Variants in EYS observed in about 807,000 individuals in gnomAD.
The protein encoded by EYS is protein eyes shut homolog.
A neutral mutation model predicts 282.1 loss-of-function variants in EYS; 250 were observed. The ratio of observed to expected loss-of-function variants is 0.89; its 90% CI spans 0.80 to 0.98. EYS has a LOEUF of 0.98. Ranked by LOEUF, EYS falls within the 50% of genes least tolerant of loss-of-function variation. The probability of loss-of-function intolerance (pLI) is 0.00; values close to 1 mark genes in which losing one functional copy is unlikely to be tolerated. For synonymous variants in EYS, 1,355 were observed against 1,282.9 expected, an observed-to-expected ratio of 1.06 and a Z score of -1.20; for missense variants, 4,016 against 3,709.0, an observed-to-expected ratio of 1.08 and a Z score of -2.15.
At chr6:65,140,733 G>A (rs1262764726) in intron 12 of EYS, among the ~76,000 whole-genome samples, 2 of 151,962 alleles carry the variant, frequency 1.3e-5, no homozygotes, top group African/African-American at 2.4e-5. Flanking sequence ...CAAAAGACAC[G>A]TGAAAAAACG....
intron 15 of EYS, among the ~76,000 whole-genome samples, chr6:64,937,564 G>A (rs1768950760): frequency 6.6e-6 from 1 of 151,586 alleles, no homozygotes; most frequent in Non-Finnish European, 1.5e-5. Context: ...TCCTTAGGGA[G>A]ATGAAAATCA....
intron 36 of EYS, among the ~76,000 whole-genome samples, chr6:63,819,919 A>T (rs770654278): frequency 3.3e-5 from 5 of 152,184 alleles, no homozygotes; most frequent in Middle Eastern, 3.4e-3. Flanking sequence ...CATCCCTGGG[A>T]TTATATCAGG....
chr6:64,789,475 A>T (rs906930347), intron 22 of EYS, among the ~76,000 whole-genome samples: 8 of 152,134 alleles, frequency 5.3e-5, no homozygotes, highest in African/African-American at 1.4e-4. Context: ...ACATGCAAGA[A>T]TTTTTTTATA....
rs377633252 is a variant in EYS at position 64,898,713 on chromosome 6, C to T, written c.2846+3400G>A. Among the ~76,000 whole-genome samples, 16 of 148,470 alleles carry T rather than the reference C, an allele frequency of 1.1e-4. No homozygotes were observed. The East Asian group carries it at 1.4e-3, about 13-fold the overall frequency. On this transcript the variant is annotated intron_variant, in intron 18 of 42. Transcript: ENST00000503581. The stretch of plus-strand genomic sequence containing the variant: ...TGTGCTGTATTCAGGAGATGCATCT[C>T]GTATGCAAAGACACATATAAGCTCA...
chr6:65,525,250 A>C (rs1767514003), intron 2 of EYS, among the ~76,000 whole-genome samples: 2 of 152,174 alleles, frequency 1.3e-5, no homozygotes, highest in African/African-American at 4.8e-5. Flanking sequence ...ACTGGTATCC[A>C]TAGAAAAAGT....
chr6:65,244,684 T>C (rs968050619), intron 12 of EYS, among the ~76,000 whole-genome samples: 13 of 92,366 alleles, frequency 1.4e-4, no homozygotes, highest in Non-Finnish European at 2.2e-4. Context: ...GGGTAATTTT[T>C]TGTATTTTTT....
chr6:64,869,127 T>G (rs941508322), intron 19 of EYS, among the ~76,000 whole-genome samples: 1 of 151,538 alleles, frequency 6.6e-6, no homozygotes. Flanking sequence ...TATGAAAGGA[T>G]TCTCTTATCT....
chr6:64,400,642 A>G (rs1773512435), intron 28 of EYS, among the ~76,000 whole-genome samples: 1 of 152,120 alleles, frequency 6.6e-6, no homozygotes, highest in Non-Finnish European at 1.5e-5. Context: ...ACAGTCCTAC[A>G]ACATTATTGT....
intron 36 of EYS, among the ~76,000 whole-genome samples, chr6:63,858,298 G>T (rs1772444110): frequency 6.6e-6 from 1 of 152,140 alleles, no homozygotes; most frequent in Non-Finnish European, 1.5e-5. Flanking sequence ...GACCTCAGGT[G>T]ATCCACCCAC....
intron 28 of EYS, among the ~76,000 whole-genome samples, chr6:64,424,511 A>C (rs1180376748): frequency 6.6e-6 from 1 of 152,176 alleles, no homozygotes; most frequent in Non-Finnish European, 1.5e-5. Context: ...AGAACTTCTG[A>C]TTTTTATGGC....
intron 19 of EYS, among the ~76,000 whole-genome samples, chr6:64,851,510 G>T (rs958338043): frequency 3.9e-5 from 6 of 152,054 alleles, no homozygotes. Flanking sequence ...ATGTTATTTA[G>T]ATTAAATTGT....
At chr6:64,066,133 C>G (rs1167590835) in intron 33 of EYS, among the ~76,000 whole-genome samples, 1 of 152,042 alleles carries the variant, frequency 6.6e-6, no homozygotes, top group African/African-American at 2.4e-5. Context: ...AAAAACTAGC[C>G]AGGCGTGGTG....
chr6:64,957,696 C>T (rs1259667608), intron 14 of EYS, among the ~76,000 whole-genome samples: 1 of 152,124 alleles, frequency 6.6e-6, no homozygotes. Context: ...TGTATCAAAA[C>T]ATCTCATGCA....
intron 12 of EYS, among the ~76,000 whole-genome samples, chr6:65,285,311 T>A (rs577946960): frequency 6.6e-6 from 1 of 152,130 alleles, no homozygotes; most frequent in Non-Finnish European, 1.5e-5. Flanking sequence ...GGAATTTAAA[T>A]TAAAGACAAT....
At chr6:64,785,775 C>T (rs142727490) in intron 22 of EYS, among the ~76,000 whole-genome samples, 2 of 152,088 alleles carry the variant, frequency 1.3e-5, no homozygotes, top group African/African-American at 2.4e-5. Flanking sequence ...ATGTATTGTG[C>T]TAGTTGCTGG....
chr6:63,838,769 G>T (rs935281462), intron 36 of EYS, among the ~76,000 whole-genome samples: 1 of 151,928 alleles, frequency 6.6e-6, no homozygotes, highest in African/African-American at 2.4e-5. Flanking sequence ...AGGTTTTTAT[G>T]CTCCCTCCAT....
At chr6:64,891,810 TATAATA>T (rs1186766317) in intron 18 of EYS, among the ~76,000 whole-genome samples, 1 of 152,020 alleles carries the variant, frequency 6.6e-6, no homozygotes, top group African/African-American at 2.4e-5. Context: ...AATATACATA[TATAATA>T]ATATCTTCTA....
At chr6:63,909,608 C>G (rs1773863937) in intron 35 of EYS, among the ~76,000 whole-genome samples, 1 of 152,166 alleles carries the variant, frequency 6.6e-6, no homozygotes, top group African/African-American at 2.4e-5. Context: ...GGATATCAAA[C>G]CAGTGAAATC....
intron 12 of EYS, among the ~76,000 whole-genome samples, chr6:65,160,115 T>TG (rs1389589475): frequency 1.3e-5 from 2 of 150,978 alleles, no homozygotes; most frequent in African/African-American, 4.8e-5. Context: ...ACAGCGTTTT[T>TG]TTTGTTTGTT....
Sources: gnomAD v4.1 joint callset for allele counts (sites outside exome capture counted in the v4.1 genomes callset) on GRCh38, gnomAD v4.1.1 for gene constraint, MANE v1.5 for transcripts, NCBI Gene and HGNC (gene_info 2026-07-23, HGNC 2026-07-21) for gene names.